The following SPAG1 variants were observed in gnomAD, a reference collection of about 807,000 sequenced individuals.
The protein encoded by SPAG1 is sperm-associated antigen 1.
A neutral mutation model predicts 100.5 loss-of-function variants in SPAG1; 69 were observed. The observed-to-expected ratio is 0.69, with a 90% CI of 0.57 to 0.84. The LOEUF (loss-of-function observed/expected upper bound fraction) is 0.84. SPAG1 is among the 40% of genes least tolerant of loss of function. The pLI, the probability that SPAG1 is intolerant of heterozygous loss-of-function variation, is 0.00. For synonymous variants in SPAG1, 336 were observed against 411.6 expected (o/e 0.82, Z 2.22); for missense variants, 955 against 1,133.1 (o/e 0.84, Z 2.26).
At position 100,184,739 on chromosome 8, in the gene SPAG1, C is replaced by G; in HGVS notation, c.701+6C>G. ...GCAGTGATGTATTATACCAGGTGAG[C>G]AGATGTTTGTTGGGGTTTAAACTTG... On this transcript the variant is annotated splice_donor_region_variant and intron_variant, in intron 7 of 18. Coordinates refer to ENST00000388798, the MANE Select transcript of SPAG1 (RefSeq NM_003114.5). The G allele has an allele frequency of 2.0e-6, 3 of 1,528,682 alleles. No individual in the cohort carries two copies. The highest frequency in any genetic ancestry group is 2.7e-6 in the Non-Finnish European group (3 of 1,122,288). The allele number at this position is 1,528,682 out of a possible 1,614,324, so 94.7% of individuals were successfully genotyped here.
In SPAG1 at chr8:100,231,242, G is replaced by A. The variant is rs187160521; in HGVS notation, c.1942G>A (p.Glu648Lys). The A allele has an allele frequency of 4.1e-4, 657 of 1,604,368 alleles. 2 individuals carry two copies. The highest frequency in any genetic ancestry group is 6.9e-5 in the Non-Finnish European group (81 of 1,173,384). Reference protein sequence around the residue: ...NYKDALSKYSECLKINNKECA... With the variant: ...NYKDALSKYSKCLKINNKECA... ...TAAAGACGCCCTCAGTAAATACAGC[G>A]AATGCTTAAAGATTAACAATAAGGA... The change falls in exon 15 of 19, where the codon GAA (glutamate) becomes AAA (lysine). Residue 648 changes from glutamate to lysine, a missense_variant. Coordinates refer to ENST00000388798, the MANE Select transcript of SPAG1 (RefSeq NM_003114.5).
chr8:100,240,503 A>C lies in SPAG1; in HGVS notation c.2381A>C (p.Asp794Ala). ...GGCAAAAGCAGCAGGTCACCAGAAG[A>C]CCCTGAGAAACTTCCGATAGCCAAG... ...KGGKSSRSPE[D>A]PEKLPIAKPN... The change falls in exon 18 of 19, where the codon GAC (aspartate) becomes GCC (alanine). Residue 794 changes from aspartate to alanine, a missense_variant. By Grantham distance (126) the Asp-to-Ala change is moderately radical. Transcript: ENST00000388798. 1 of 1,614,150 alleles carries C rather than the reference A, an allele frequency of 6.2e-7. No individual in the cohort carries two copies. The highest frequency in any genetic ancestry group is 8.5e-7 in the Non-Finnish European group (1 of 1,180,010).
chr8:100,199,073 C>A (rs1264445089), intron 10 of SPAG1, among the ~76,000 whole-genome samples: 2 of 152,180 alleles, frequency 1.3e-5, no homozygotes, highest in African/African-American at 4.8e-5. Flanking sequence ...ATAATGCTGT[C>A]ATGAACGCTC....
chr8:100,238,978 G>A (rs1819131027), intron 16 of SPAG1, among the ~76,000 whole-genome samples: 1 of 152,176 alleles, frequency 6.6e-6, no homozygotes, highest in South Asian at 2.1e-4. Flanking sequence ...TAGGGACTGG[G>A]AAGGTTGTGG....
chr8:100,238,678 T>C (rs544628033), intron 16 of SPAG1, among the ~76,000 whole-genome samples: 7 of 152,338 alleles, frequency 4.6e-5, no homozygotes, highest in South Asian at 4.1e-4. Context: ...TCTAGCCAAT[T>C]CGAAGAGTAA....
chr8:100,171,645 T>C (rs559806631), intron 3 of SPAG1, among the ~76,000 whole-genome samples: 2 of 152,200 alleles, frequency 1.3e-5, no homozygotes, highest in Non-Finnish European at 2.9e-5. Context: ...TCTGCTGAAT[T>C]CAGCAAGACC....
rs558799033 is a variant in SPAG1, at chr8:100,227,237, C to A, written c.1855+1898C>A. 5.9e-5 allele frequency among the ~76,000 whole-genome samples: 9 copies of A among 152,264 alleles called. No individual in the cohort carries two copies. The South Asian group carries it at 1.9e-3, about 32-fold the overall frequency. On this transcript the variant is annotated intron_variant, in intron 14 of 18. Transcript: ENST00000388798. ...TGTAGTTGTTAAAAAATTTGTATTC[C>A]CTTAGTGCCTACATTATTACTTTGA...
chr8:100,228,460 C>T (rs1818616610), intron 14 of SPAG1, among the ~76,000 whole-genome samples: 1 of 150,166 alleles, frequency 6.7e-6, no homozygotes, highest in African/African-American at 2.5e-5. Context: ...CACCTGTAAT[C>T]CCAGCACTTT....
intron 2 of SPAG1, among the ~76,000 whole-genome samples, chr8:100,163,742 A>T (rs1193878506): frequency 6.6e-6 from 1 of 152,156 alleles, no homozygotes; most frequent in Non-Finnish European, 1.5e-5. Flanking sequence ...ATGTGATAAC[A>T]TCATCATTTT....
Position 100,165,985 on chromosome 8 carries a change from T to G in SPAG1, c.300+12T>G. 6.3e-7 allele frequency: 1 copy of G among 1,590,400 alleles called. No homozygotes were observed. Among genetic ancestry groups the G allele is most frequent in the Non-Finnish European group, 8.6e-7 (1 of 1,166,810 alleles). On this transcript the variant is annotated intron_variant, in intron 3 of 18. Transcript: ENST00000388798. ...ATGGTGATATAAAGGTATATAGTAA[T>G]ACCAATTTTCCATAGATATTGTTGA...
Position 100,187,098 on chromosome 8 carries a change from CCAGT to C in SPAG1, c.702-21_702-18del. Reference sequence around the variant, plus strand: ...ATGTTTACCTTAGGCTTGCTTGTTGCCAGTAACTGTTTCTTTTCTAGGAGCATAT... The same window carrying C: ...ATGTTTACCTTAGGCTTGCTTGTTGCAACTGTTTCTTTTCTAGGAGCATAT... On this transcript the variant is annotated intron_variant, in intron 7 of 18. Coordinates refer to ENST00000388798, the MANE Select transcript of SPAG1 (RefSeq NM_003114.5). 6.3e-7 allele frequency: 1 copy of C among 1,592,780 alleles called. No individual in the cohort carries two copies. Among genetic ancestry groups the C allele is most frequent in the Non-Finnish European group, 8.5e-7 (1 of 1,170,514 alleles).
intron 10 of SPAG1, among the ~76,000 whole-genome samples, chr8:100,204,611 T>C (rs1316844379): frequency 6.6e-6 from 1 of 152,098 alleles, no homozygotes; most frequent in Non-Finnish European, 1.5e-5. Context: ...CTGATCTCCT[T>C]TGGGTTAATA....
chr8:100,194,938 G>A (rs928811876), intron 10 of SPAG1, among the ~76,000 whole-genome samples: 6 of 152,174 alleles, frequency 3.9e-5, no homozygotes, highest in South Asian at 2.1e-4. Flanking sequence ...AGGCCGAGGC[G>A]GGTGCATCAT....
At chr8:100,158,849 C>CGAAA (rs1815182822) in intron 1 of SPAG1, 2 of 150,206 alleles carry the variant, frequency 1.3e-5, no homozygotes, top group South Asian at 4.2e-4. Flanking sequence ...CCTTTTTTTT[C>CGAAA]AAAAAGGATT....
intron 10 of SPAG1, among the ~76,000 whole-genome samples, chr8:100,211,218 C>G (rs977985618): frequency 7.2e-5 from 11 of 152,194 alleles, no homozygotes; most frequent in Non-Finnish European, 1.5e-5. Context: ...TGAACAGCTC[C>G]ATTGCATTGT....
At chr8:100,195,023 G>T (rs532372298) in intron 10 of SPAG1, among the ~76,000 whole-genome samples, 1 of 152,002 alleles carries the variant, frequency 6.6e-6, no homozygotes, top group Non-Finnish European at 1.5e-5. Flanking sequence ...AAATTAGCTG[G>T]GTGTGATGGC....
chr8:100,213,348 G>T lies in SPAG1; in HGVS notation c.1355G>T (p.Gly452Val), dbSNP rs1817822568. The T allele has an allele frequency of 4.3e-6, 6 of 1,408,608 alleles. No individual in the cohort carries two copies. The highest frequency in any genetic ancestry group is 4.6e-6 in the Non-Finnish European group (5 of 1,076,270). The allele number at this position is 1,408,608 out of a possible 1,614,324, so 87.3% of individuals were successfully genotyped here. ...AACCCTGCCGGCCTGAAGAGCCAGGGCAACGAGCTGTTCCGAAGCGGGCAG... is the reference window on the plus strand; with the variant it reads ...AACCCTGCCGGCCTGAAGAGCCAGGTCAACGAGCTGTTCCGAAGCGGGCAG... ...AENPAGLKSQGNELFRSGQFA... is the reference protein window; with the variant it reads ...AENPAGLKSQVNELFRSGQFA... Residue 452 changes from glycine (G) to valine (V), a missense_variant, in exon 11 of 19, where the codon GGC becomes GTC. Transcript: ENST00000388798.
chr8:100,200,499 C>G (rs1215407205), intron 10 of SPAG1, among the ~76,000 whole-genome samples: 1 of 149,938 alleles, frequency 6.7e-6, no homozygotes, highest in Non-Finnish European at 1.5e-5. Context: ...ATTTCTAGTT[C>G]TAGATCCTTG....
intron 5 of SPAG1, 105 bp downstream of exon 5, chr8:100,183,541 A>G (rs575760092): frequency 3.7e-5 from 21 of 572,948 alleles, no homozygotes; most frequent in African/African-American, 3.5e-4. Context: ...TAACATGTCA[A>G]GAATACCAAA....
Sources: allele counts gnomAD v4.1 joint callset (sites outside exome capture counted in the v4.1 genomes callset), GRCh38; gene constraint gnomAD v4.1.1; transcripts MANE v1.5; gene names NCBI Gene and HGNC (gene_info 2026-07-23, HGNC 2026-07-21).